The following ANKS1A variants were observed in gnomAD, a reference collection of about 807,000 sequenced individuals.
The protein encoded by ANKS1A is ankyrin repeat and sterile alpha motif domain containing 1A.
ANKS1A carries 55 observed loss-of-function variants against 120.3 expected under a neutral mutation model. That is an observed-to-expected ratio of 0.46 (90% CI 0.37 to 0.57). ANKS1A has a LOEUF of 0.57. Among genes scored for constraint, ANKS1A ranks in the 20% least tolerant of loss-of-function variants. The probability of loss-of-function intolerance (pLI) is 0.00; values close to 1 mark genes in which losing one functional copy is unlikely to be tolerated. For synonymous variants in ANKS1A, 590 were observed against 604.7 expected, an observed-to-expected ratio of 0.98 and a Z score of 0.36; for missense variants, 1,123 against 1,480.3, an observed-to-expected ratio of 0.76 and a Z score of 3.96.
intron 13 of ANKS1A, among the ~76,000 whole-genome samples, chr6:35,064,252 G>A (rs916006260): frequency 6.6e-6 from 1 of 152,226 alleles, no homozygotes; most frequent in Non-Finnish European, 1.5e-5. Flanking sequence ...ACGTGTGGCA[G>A]GCAGTCATGG....
At chr6:34,967,445 T>G in intron 2 of ANKS1A, 126 bp downstream of exon 2, 1 of 780,836 alleles carries the variant, frequency 1.3e-6, no homozygotes. Flanking sequence ...CCCAGCACTT[T>G]GGGAGGCCGA....
intron 1 of ANKS1A, among the ~76,000 whole-genome samples, chr6:34,900,956 A>G (rs761087686): frequency 2.6e-5 from 4 of 152,190 alleles, no homozygotes; most frequent in Non-Finnish European, 5.9e-5. Context: ...GGACTTCCCT[A>G]TAGCTCCCAC....
In ANKS1A at chr6:35,089,360, G is replaced by A; in HGVS notation, c.*751G>A. On this transcript the variant is annotated 3_prime_UTR_variant, in exon 24 of 24. Coordinates refer to ENST00000360359, the MANE Select transcript of ANKS1A (RefSeq NM_015245.3). Reference sequence around the variant, plus strand: ...CTGGGAAGTCTTAGCCAGCACCAGAGCGCCAGGCCTCTCCCTGGCCTCTTA... The same window carrying A: ...CTGGGAAGTCTTAGCCAGCACCAGAACGCCAGGCCTCTCCCTGGCCTCTTA... 1 of 986,856 alleles carries A rather than the reference G, an allele frequency of 1.0e-6. No homozygotes were observed. Among genetic ancestry groups the A allele is most frequent in the Non-Finnish European group, 1.2e-6 (1 of 830,656 alleles). 61.1% of individuals were successfully genotyped at this position (986,856 alleles called of 1,614,324 possible).
chr6:34,923,618 A>G (rs1028720835), intron 1 of ANKS1A, among the ~76,000 whole-genome samples: 1 of 152,178 alleles, frequency 6.6e-6, no homozygotes, highest in African/African-American at 2.4e-5. Flanking sequence ...AGTTTAAACA[A>G]CTTGCCAAGA....
chr6:34,964,999 C>T (rs1049982390), intron 1 of ANKS1A, among the ~76,000 whole-genome samples: 1 of 152,166 alleles, frequency 6.6e-6, no homozygotes, highest in African/African-American at 2.4e-5. Flanking sequence ...TTTAGTAATT[C>T]CTCAGCATTG....
At chr6:35,014,764 C>G (rs1030590365) in intron 10 of ANKS1A, among the ~76,000 whole-genome samples, 1 of 152,194 alleles carries the variant, frequency 6.6e-6, no homozygotes, top group African/African-American at 2.4e-5. Flanking sequence ...CCAAAGTCAT[C>G]TTGCATTCAA....
intron 10 of ANKS1A, among the ~76,000 whole-genome samples, chr6:35,009,321 A>C (rs1182841413): frequency 6.6e-6 from 1 of 152,118 alleles, no homozygotes; most frequent in Non-Finnish European, 1.5e-5. Context: ...CATGGAACAA[A>C]ATGTATAGGA....
intron 11 of ANKS1A, among the ~76,000 whole-genome samples, chr6:35,031,817 G>C (rs1249626409): frequency 6.6e-6 from 1 of 152,154 alleles, no homozygotes; most frequent in Non-Finnish European, 1.5e-5. Flanking sequence ...ATGAGCCCAT[G>C]GCCCAGCCTC....
rs1581764104 is a variant in ANKS1A, at chr6:35,085,999, G to T, written c.3303+63G>T. Reference sequence around the variant, plus strand: ...GGCCCCAGGGATTCAAGGGCTCAGGGTGGTCAGCGTGAGGAGGGTCTTCTG... The same window carrying T: ...GGCCCCAGGGATTCAAGGGCTCAGGTTGGTCAGCGTGAGGAGGGTCTTCTG... On this transcript the variant is annotated intron_variant, in intron 22 of 23. Coordinates refer to ENST00000360359, the MANE Select transcript of ANKS1A (RefSeq NM_015245.3). This position sits in a 1 kb window ranked among gnomAD's most constrained non-coding sequence, Gnocchi z 4.7. The T allele has an allele frequency of 1.3e-6, 2 of 1,513,406 alleles. No homozygotes were observed. Among genetic ancestry groups the T allele is most frequent in the East Asian group, 4.6e-5 (2 of 43,848 alleles). The allele number at this position is 1,513,406 out of a possible 1,614,324, so 93.7% of individuals were successfully genotyped here.
chr6:34,916,612 A>G (rs1768179096), intron 1 of ANKS1A, among the ~76,000 whole-genome samples: 1 of 152,154 alleles, frequency 6.6e-6, no homozygotes. Context: ...TATTTTAAGG[A>G]AATTTTTCCT....
chr6:34,933,744 C>T (rs1357614882), intron 1 of ANKS1A, among the ~76,000 whole-genome samples: 1 of 152,238 alleles, frequency 6.6e-6, no homozygotes, highest in Non-Finnish European at 1.5e-5. Context: ...TACCAGTGTT[C>T]TAGTTTCTTC....
Position 35,081,146 on chromosome 6 carries a change from C to A in ANKS1A, c.2697C>A (p.Arg899=). The part of the protein sequence containing the change: ...HDPAAPSRAE[R]FRIQEEHREA... ...CTGCGGCACCCTCCCGAGCGGAGCG[C>A]TTCAGGATCCAGGTGGGGCAGGGGG... Residue 899 remains arginine, a synonymous_variant, in exon 17 of 24, where the codon CGC becomes CGA. Coordinates refer to ENST00000360359, the MANE Select transcript of ANKS1A (RefSeq NM_015245.3). 1.2e-6 allele frequency: 2 copies of A among 1,609,912 alleles called. No homozygotes were observed. The highest frequency in any genetic ancestry group is 1.7e-6 in the Non-Finnish European group (2 of 1,178,098).
intron 18 of ANKS1A, 71 bp from the exon 19 acceptor site, chr6:35,083,084 C>T: frequency 6.3e-7 from 1 of 1,579,212 alleles, no homozygotes; most frequent in Non-Finnish European, 8.7e-7. Context: ...TGGGACAGTC[C>T]CAAATTGGTT....
At chr6:34,909,804 A>C (rs571984892) in intron 1 of ANKS1A, among the ~76,000 whole-genome samples, 43 of 152,348 alleles carry the variant, frequency 2.8e-4, no homozygotes, top group African/African-American at 1.0e-3. Context: ...TTAGAACTAA[A>C]AGGAGTTGTA....
intron 11 of ANKS1A, among the ~76,000 whole-genome samples, chr6:35,042,668 C>G (rs937246936): frequency 6.6e-6 from 1 of 152,220 alleles, no homozygotes; most frequent in African/African-American, 2.4e-5. Context: ...TGCAATCAGT[C>G]CACAAAGGGT....
chr6:34,968,915 T>C (rs529356468), intron 2 of ANKS1A, among the ~76,000 whole-genome samples: 1 of 152,340 alleles, frequency 6.6e-6, no homozygotes, highest in South Asian at 2.1e-4. Context: ...CATTAAACAT[T>C]TCTAAAATAT....
intron 12 of ANKS1A, among the ~76,000 whole-genome samples, chr6:35,054,621 G>C (rs1256410737): frequency 2.0e-5 from 3 of 152,302 alleles, no homozygotes; most frequent in Non-Finnish European, 2.9e-5. Flanking sequence ...AGGGTTGACT[G>C]TGCTGTTTCC....
At chr6:34,920,910 T>C (rs1768402500) in intron 1 of ANKS1A, among the ~76,000 whole-genome samples, 1 of 152,178 alleles carries the variant, frequency 6.6e-6, no homozygotes, top group Non-Finnish European at 1.5e-5. Context: ...TCTAGGGAGC[T>C]GCACAATTAA....
chr6:35,073,419 C>T (rs903398933), intron 13 of ANKS1A, among the ~76,000 whole-genome samples: 8 of 152,308 alleles, frequency 5.3e-5, no homozygotes, highest in South Asian at 2.1e-4. Context: ...GGGGAGCAGT[C>T]GGACACCTGC....
Sources: allele counts gnomAD v4.1 joint callset (sites outside exome capture counted in the v4.1 genomes callset), GRCh38; gene constraint gnomAD v4.1.1; non-coding constraint Gnocchi (gnomAD v3.1); transcripts MANE v1.5; gene names NCBI Gene and HGNC (gene_info 2026-07-23, HGNC 2026-07-21).